GRIK2: variants seen among roughly 807,000 people sequenced by gnomAD.
GRIK2 encodes the protein glutamate receptor ionotropic, kainate 2.
Under a neutral mutation model 100.3 loss-of-function variants are expected in GRIK2, and 32 were observed. The ratio of observed to expected loss-of-function variants is 0.32; its 90% CI spans 0.24 to 0.43. The LOEUF (loss-of-function observed/expected upper bound fraction) is 0.43. GRIK2 is among the 20% of genes least tolerant of loss of function. GRIK2 has a pLI of 1.00. For missense variants in GRIK2, 843 were observed against 1,114.9 expected (o/e 0.76, Z 3.47); for synonymous variants, 417 against 389.4 (o/e 1.07, Z -0.83).
intron 12 of GRIK2, chr6:101,890,183 C>A: frequency 5.2e-6 from 1 of 190,668 alleles, no homozygotes. Context: ...AGAACCAAAA[C>A]TAAAATAACA....
chr6:101,682,213 A>T (rs1365155712), intron 5 of GRIK2, among the ~76,000 whole-genome samples: 1 of 152,162 alleles, frequency 6.6e-6, no homozygotes, highest in Non-Finnish European at 1.5e-5. Flanking sequence ...TCCTCATTGG[A>T]GTATTTGTAG....
rs185642378 is a variant in GRIK2, at chr6:101,635,347, A to C, written c.541+8710A>C. Among the ~76,000 whole-genome samples the C allele has an allele frequency of 2.1e-4, 32 of 151,614 alleles. No homozygotes were observed. The East Asian group carries it at 2.7e-3, about 13-fold the overall frequency. On this transcript the variant is annotated intron_variant, in intron 4 of 16. Transcript: ENST00000369134. ...AATCATAAAAATTTTTTTAGAAAAAAGTTAACTCAAGATGGATTAAAGACT... is the reference window on the plus strand; with the variant it reads ...AATCATAAAAATTTTTTTAGAAAAACGTTAACTCAAGATGGATTAAAGACT...
At chr6:101,633,525 C>A (rs1780868150) in intron 4 of GRIK2, among the ~76,000 whole-genome samples, 1 of 152,070 alleles carries the variant, frequency 6.6e-6, no homozygotes, top group African/African-American at 2.4e-5. Context: ...TTAAAACTTT[C>A]AACAATATAA....
In GRIK2 at chr6:101,929,028, C is replaced by T. The variant is rs1435742400; in HGVS notation, c.2085+396C>T. Among the ~76,000 whole-genome samples the T allele has an allele frequency of 2.6e-5, 4 of 152,094 alleles. No individual in the cohort carries two copies. In the South Asian group the frequency reaches 6.2e-4, roughly 24 times the overall value. ...ATTACTCGGAAAAATGTTTCCCATA[C>T]GTACATTTACTTTTGTTGAAATGAG... On this transcript the variant is annotated intron_variant, in intron 14 of 16. Coordinates refer to ENST00000369134, the MANE Select transcript of GRIK2 (RefSeq NM_021956.5).
At chr6:101,720,673 A>G (rs1169906715) in intron 7 of GRIK2, among the ~76,000 whole-genome samples, 1 of 152,036 alleles carries the variant, frequency 6.6e-6, no homozygotes, top group Non-Finnish European at 1.5e-5. Context: ...TTGCTTAGGT[A>G]TGGAAATATC....
At chr6:102,015,288 G>C (rs1253692849) in intron 14 of GRIK2, among the ~76,000 whole-genome samples, 1 of 151,730 alleles carries the variant, frequency 6.6e-6, no homozygotes, top group East Asian at 1.9e-4. Context: ...TCTCTTGCTT[G>C]GTAGATTTTT....
chr6:101,922,093 T>C (rs1789564558), intron 12 of GRIK2, among the ~76,000 whole-genome samples: 2 of 24,988 alleles, frequency 8.0e-5, no homozygotes, highest in South Asian at 2.4e-3. Context: ...CCTTCCTTCC[T>C]TCCTTCCTTC....
rs187824944 is a variant in GRIK2, at chr6:101,954,518, T to G, written c.2085+25886T>G. Among the ~76,000 whole-genome samples, 672 of 152,236 alleles carry G rather than the reference T, an allele frequency of 4.4e-3. 4 individuals carry two copies. Among genetic ancestry groups the G allele is most frequent in the Middle Eastern group, 6.8e-3 (2 of 294 alleles). On this transcript the variant is annotated intron_variant, in intron 14 of 16. Coordinates refer to ENST00000369134, the MANE Select transcript of GRIK2 (RefSeq NM_021956.5). ...AATTTCATTTTCTGATAGTTCAATT[T>G]TATATATAGAAATATAAGTGATTTT...
intron 7 of GRIK2, among the ~76,000 whole-genome samples, chr6:101,705,604 T>C (rs962764299): frequency 1.1e-4 from 16 of 151,816 alleles, no homozygotes; most frequent in African/African-American, 3.6e-4. Flanking sequence ...TGTGGTGGAA[T>C]TTTTCCTGAA....
chr6:102,032,376 G>T (rs1390276413), intron 14 of GRIK2, among the ~76,000 whole-genome samples: 1 of 151,166 alleles, frequency 6.6e-6, no homozygotes, highest in Non-Finnish European at 1.5e-5. Flanking sequence ...ATCTACGAGA[G>T]GGGAGGGAAA....
chr6:101,829,397 C>T (rs919987603), intron 10 of GRIK2, among the ~76,000 whole-genome samples: 7 of 151,878 alleles, frequency 4.6e-5, no homozygotes, highest in Admixed American at 3.9e-4. Context: ...CTAGTCAGAG[C>T]ATTCAGGCAA....
intron 2 of GRIK2, among the ~76,000 whole-genome samples, chr6:101,593,545 C>G (rs1778777359): frequency 6.6e-6 from 1 of 151,812 alleles, no homozygotes; most frequent in African/African-American, 2.4e-5. Context: ...TATTATTCCT[C>G]TCTCACAATA....
intron 7 of GRIK2, among the ~76,000 whole-genome samples, chr6:101,702,530 C>T (rs1772971712): frequency 1.3e-5 from 2 of 151,950 alleles, no homozygotes; most frequent in Non-Finnish European, 2.9e-5. Flanking sequence ...ATGGTATACA[C>T]AGCTTGCTTA....
intron 2 of GRIK2, among the ~76,000 whole-genome samples, chr6:101,425,998 A>G (rs934945961): frequency 3.3e-5 from 5 of 152,088 alleles, no homozygotes; most frequent in Admixed American, 2.0e-4. Flanking sequence ...ATTCTTTCAG[A>G]CTTGAAAGCT....
At chr6:101,893,903 A>T (rs1429375291) in intron 12 of GRIK2, among the ~76,000 whole-genome samples, 1 of 151,416 alleles carries the variant, frequency 6.6e-6, no homozygotes, top group Non-Finnish European at 1.5e-5. Context: ...ATAAATTTAT[A>T]ATAATACTTA....
At chr6:101,920,833 C>G (rs942249781) in intron 12 of GRIK2, among the ~76,000 whole-genome samples, 1 of 150,830 alleles carries the variant, frequency 6.6e-6, no homozygotes, top group African/African-American at 2.4e-5. Flanking sequence ...TCTTGAATTC[C>G]ATGTTTAAAG....
intron 13 of GRIK2, among the ~76,000 whole-genome samples, chr6:101,925,514 C>T (rs1373050380): frequency 6.7e-6 from 1 of 148,448 alleles, no homozygotes; most frequent in Non-Finnish European, 1.5e-5. Flanking sequence ...TATGCTAGAC[C>T]TATTACTCAA....
chr6:101,566,767 A>T (rs1299035983), intron 2 of GRIK2, among the ~76,000 whole-genome samples: 1 of 150,116 alleles, frequency 6.7e-6, no homozygotes, highest in Admixed American at 6.7e-5. Context: ...TTTTTATATA[A>T]TAGACATATG....
rs111285339 is a variant in GRIK2 at position 101,627,117 on chromosome 6, C to CTGTGTG, written c.541+508_541+513dup. ...TGTGTGTGTGTGCGTGTGTGTGTCTCTGTGTGTGTGTGTGTGTGTGTGTGT... is the reference window on the plus strand; with the variant it reads ...TGTGTGTGTGTGCGTGTGTGTGTCTCTGTGTGTGTGTGTGTGTGTGTGTGTGTGTGT... On this transcript the variant is annotated intron_variant, in intron 4 of 16. Transcript: ENST00000369134. Among the ~76,000 whole-genome samples the CTGTGTG allele has an allele frequency of 8.5e-3, 1,239 of 145,046 alleles. 17 individuals are homozygous for CTGTGTG. Among genetic ancestry groups the CTGTGTG allele is most frequent in the South Asian group, 0.028 (129 of 4,566 alleles).
Sources: allele counts gnomAD v4.1 joint callset (sites outside exome capture counted in the v4.1 genomes callset), GRCh38; gene constraint gnomAD v4.1.1; transcripts MANE v1.5; gene names NCBI Gene and HGNC (gene_info 2026-07-23, HGNC 2026-07-21).